KLHL32: variants seen among roughly 807,000 people sequenced by gnomAD.
KLHL32 encodes kelch-like protein 32.
Under a neutral mutation model 64.8 loss-of-function variants are expected in KLHL32, and 35 were observed. The observed-to-expected ratio is 0.54, with a 90% CI of 0.41 to 0.72. The LOEUF (loss-of-function observed/expected upper bound fraction) is 0.72, where lower values mean the gene tolerates loss of function less well. KLHL32 is among the 30% of genes least tolerant of loss of function. The pLI is 0.00. For missense variants in KLHL32, 589 were observed against 768.5 expected, an observed-to-expected ratio of 0.77 and a Z score of 2.76; for synonymous variants, 259 against 281.0, an observed-to-expected ratio of 0.92 and a Z score of 0.78.
intron 4 of KLHL32, among the ~76,000 whole-genome samples, chr6:97,041,937 T>C (rs1785183915): frequency 6.6e-6 from 1 of 152,342 alleles, no homozygotes; most frequent in Middle Eastern, 3.4e-3. Context: ...CAATCATGGC[T>C]TTATTGCCTT....
chr6:96,967,171 G>T, intron 2 of KLHL32, 88 bp downstream of exon 2: 4 of 1,150,298 alleles, frequency 3.5e-6, no homozygotes, highest in East Asian at 2.4e-5. Flanking sequence ...CAAAGCAGGG[G>T]CTTAATGCAT....
intron 6 of KLHL32, among the ~76,000 whole-genome samples, chr6:97,106,014 A>G (rs1796360810): frequency 6.6e-6 from 1 of 152,160 alleles, no homozygotes; most frequent in Non-Finnish European, 1.5e-5. Flanking sequence ...TTGTTTTGGC[A>G]TTCCTTTGGG....
At chr6:96,969,417 T>A (rs1453003449) in intron 2 of KLHL32, among the ~76,000 whole-genome samples, 3 of 152,230 alleles carry the variant, frequency 2.0e-5, no homozygotes, top group Non-Finnish European at 4.4e-5. Context: ...ATTTTCCTTC[T>A]TAAGCAGTTT....
intron 1 of KLHL32, among the ~76,000 whole-genome samples, chr6:96,940,314 T>G (rs897078874): frequency 7.9e-5 from 12 of 152,110 alleles, no homozygotes; most frequent in African/African-American, 2.7e-4. Context: ...CTCAAGGAAC[T>G]GTAGCTCTTA....
intron 7 of KLHL32, among the ~76,000 whole-genome samples, chr6:97,122,397 A>T (rs1424478761): frequency 6.6e-6 from 1 of 152,220 alleles, no homozygotes; most frequent in African/African-American, 2.4e-5. Flanking sequence ...TAGTAGAAAG[A>T]TTCTTAGCTG....
upstream of KLHL32, among the ~76,000 whole-genome samples, chr6:96,921,017 C>T (rs1768737661): frequency 6.6e-6 from 1 of 152,156 alleles, no homozygotes; most frequent in Admixed American, 6.5e-5. Context: ...CTCATAAGCT[C>T]TTCTTTACCC....
rs1053105399 is a variant in KLHL32 at position 97,100,829 on chromosome 6, G to C, written c.628-12954G>C. 6.0e-5 allele frequency among the ~76,000 whole-genome samples: 8 copies of C among 133,918 alleles called. No homozygotes were observed. The Admixed American group carries it at 6.7e-4, about 11-fold the overall frequency. 87.9% of individuals were successfully genotyped at this position (133,918 alleles called of 152,430 possible). Reference sequence around the variant, plus strand: ...TTTTTTTTTTTTTTTTTTGAGACACGGTCTTGCTCTGTTGCCCAGGCTGGA... The same window carrying C: ...TTTTTTTTTTTTTTTTTTGAGACACCGTCTTGCTCTGTTGCCCAGGCTGGA... On this transcript the variant is annotated intron_variant, in intron 6 of 10. Transcript: ENST00000369261.
chr6:97,135,710 A>G (rs1431593779), intron 10 of KLHL32, among the ~76,000 whole-genome samples: 1 of 152,204 alleles, frequency 6.6e-6, no homozygotes, highest in Non-Finnish European at 1.5e-5. Context: ...AGTGACATGT[A>G]TCTTTCATTT....
chr6:96,965,639 T>C (rs1161961484), intron 1 of KLHL32, among the ~76,000 whole-genome samples: 1 of 152,304 alleles, frequency 6.6e-6, no homozygotes, highest in Admixed American at 6.5e-5. Flanking sequence ...TTGGAGTTTG[T>C]GTTAGGCTAC....
intron 6 of KLHL32, among the ~76,000 whole-genome samples, chr6:97,105,760 C>T (rs1430876335): frequency 7.2e-6 from 1 of 139,730 alleles, no homozygotes; most frequent in Non-Finnish European, 1.5e-5. Flanking sequence ...ATTTGTAGAC[C>T]AAGACAAAAA....
intron 6 of KLHL32, among the ~76,000 whole-genome samples, chr6:97,090,702 A>G (rs1020714167): frequency 2.6e-5 from 4 of 152,248 alleles, no homozygotes; most frequent in African/African-American, 9.6e-5. Flanking sequence ...TTTGAATATC[A>G]CATCACAGTT....
chr6:97,083,143 G>A (rs2128176585), intron 5 of KLHL32, among the ~76,000 whole-genome samples: 1 of 152,276 alleles, frequency 6.6e-6, no homozygotes, highest in Non-Finnish European at 1.5e-5. Flanking sequence ...TGTAATCCTA[G>A]CACTTTGGGA....
At chr6:97,069,905 A>T (rs142874527) in intron 5 of KLHL32, among the ~76,000 whole-genome samples, 70 of 152,148 alleles carry the variant, frequency 4.6e-4, no homozygotes, top group African/African-American at 1.7e-3. Flanking sequence ...TACTACAATG[A>T]CTTATAGGAG....
chr6:97,016,450 G>T (rs1781206761), intron 3 of KLHL32, among the ~76,000 whole-genome samples: 1 of 152,222 alleles, frequency 6.6e-6, no homozygotes, highest in South Asian at 2.1e-4. Context: ...AGACTTGCAT[G>T]GAACTGTAGC....
chr6:96,976,596 GT>G (rs1275549408), intron 3 of KLHL32, among the ~76,000 whole-genome samples: 1 of 152,028 alleles, frequency 6.6e-6, no homozygotes, highest in Non-Finnish European at 1.5e-5. Flanking sequence ...TTTTTGTTTT[GT>G]TTTGTTTTGT....
intron 3 of KLHL32, among the ~76,000 whole-genome samples, chr6:96,988,628 C>G (rs1777427012): frequency 6.6e-6 from 1 of 152,204 alleles, no homozygotes; most frequent in African/African-American, 2.4e-5. Flanking sequence ...GATTATAAAT[C>G]ATGCTGCTAT....
chr6:97,109,121 T>C (rs2128205955), intron 6 of KLHL32, among the ~76,000 whole-genome samples: 2 of 152,146 alleles, frequency 1.3e-5, no homozygotes, highest in South Asian at 2.1e-4. Context: ...CATCCTCCAG[T>C]CCCCCACCTG....
At chr6:97,133,489 T>C (rs919907449) in intron 10 of KLHL32, among the ~76,000 whole-genome samples, 1 of 152,228 alleles carries the variant, frequency 6.6e-6, no homozygotes, top group Non-Finnish European at 1.5e-5. Context: ...TCTAATCGCA[T>C]CTTTATGGGA....
chr6:97,051,102 C>T lies in KLHL32; in HGVS notation c.312+9503C>T, dbSNP rs544934275. 4.6e-5 allele frequency among the ~76,000 whole-genome samples: 7 copies of T among 152,330 alleles called. No homozygotes were observed. In the South Asian group the frequency reaches 1.2e-3, roughly 27 times the overall value. The stretch of plus-strand genomic sequence containing the variant: ...CACCAATTCTGTGCTGAGGAACCCA[C>T]TGTGGGCTAAGGTGCCTGAGGTCGT... On this transcript the variant is annotated intron_variant, in intron 4 of 10. Coordinates refer to ENST00000369261, the MANE Select transcript of KLHL32 (RefSeq NM_052904.4).
Sources: gnomAD v4.1 joint callset for allele counts (sites outside exome capture counted in the v4.1 genomes callset) on GRCh38, gnomAD v4.1.1 for gene constraint, MANE v1.5 for transcripts, NCBI Gene and HGNC (gene_info 2026-07-23, HGNC 2026-07-21) for gene names.